LRP1B: variants seen among roughly 807,000 people sequenced by gnomAD.
LRP1B encodes the protein low-density lipoprotein receptor-related protein 1B.
LRP1B carries 217 observed loss-of-function variants against 556.6 expected under a neutral mutation model. That is an observed-to-expected ratio of 0.39 (90% CI 0.35 to 0.44). The LOEUF (loss-of-function observed/expected upper bound fraction) is 0.44. Ranked by LOEUF, LRP1B falls within the 20% of genes least tolerant of loss-of-function variation. LRP1B has a pLI of 1.00. For missense variants in LRP1B, 5,053 were observed against 5,620.8 expected (o/e 0.90, Z 3.23); for synonymous variants, 2,047 against 1,865.8 (o/e 1.10, Z -2.50).
chr2:140,759,178 T>A (rs1473614315), intron 35 of LRP1B, among the ~76,000 whole-genome samples: 10 of 152,168 alleles, frequency 6.6e-5, no homozygotes, highest in South Asian at 2.1e-4. Flanking sequence ...TAGATTTTTT[T>A]TTAAAAAATA....
chr2:141,217,183 C>T (rs1452090292), intron 6 of LRP1B, among the ~76,000 whole-genome samples: 1 of 152,074 alleles, frequency 6.6e-6, no homozygotes, highest in African/African-American at 2.4e-5. Context: ...GGGGGTAGAT[C>T]TCTCAAGGCT....
At chr2:141,105,988 G>C (rs897104588) in intron 7 of LRP1B, among the ~76,000 whole-genome samples, 1 of 152,032 alleles carries the variant, frequency 6.6e-6, no homozygotes, top group Non-Finnish European at 1.5e-5. Flanking sequence ...TCCACAGGGG[G>C]CCAAACTCTG....
intron 81 of LRP1B, among the ~76,000 whole-genome samples, chr2:140,323,526 C>T (rs922351569): frequency 7.9e-5 from 12 of 151,964 alleles, no homozygotes; most frequent in African/African-American, 2.7e-4. Context: ...CTGGGTGCAG[C>T]ACACCAACAT....
intron 2 of LRP1B, among the ~76,000 whole-genome samples, chr2:141,738,750 T>C (rs763331988): frequency 6.6e-6 from 1 of 152,160 alleles, no homozygotes; most frequent in Non-Finnish European, 1.5e-5. Context: ...CGTATAAAAC[T>C]GCTAAATGGC....
At chr2:140,765,774 A>G (rs1414156871) in intron 35 of LRP1B, among the ~76,000 whole-genome samples, 1 of 152,178 alleles carries the variant, frequency 6.6e-6, no homozygotes, top group Non-Finnish European at 1.5e-5. Context: ...ACAGGTTTTG[A>G]GAATACATTC....
At position 140,503,093 on chromosome 2, in the gene LRP1B, C is replaced by T. The variant is rs2104896573; in HGVS notation, c.8532G>A (p.Gln2844=). The stretch of plus-strand genomic sequence containing the variant: ...CACAACTAAATTCTTCTGTACCACA[C>T]TGTCGATATCCTAGAGACGCAGAAA... The part of the protein sequence containing the change: ...SDESPQCGYR[Q]CGTEEFSCAD... The change falls in exon 54 of 91, where the codon CAG becomes CAA. Residue 2844 remains glutamine (Q), a synonymous_variant. Transcript: ENST00000389484. 1 of 1,613,008 alleles carries T rather than the reference C, an allele frequency of 6.2e-7. No individual in the cohort carries two copies. The highest frequency in any genetic ancestry group is 8.5e-7 in the Non-Finnish European group (1 of 1,179,232).
chr2:140,359,637 T>C (rs1328973800), intron 72 of LRP1B, among the ~76,000 whole-genome samples: 1 of 151,658 alleles, frequency 6.6e-6, no homozygotes, highest in Non-Finnish European at 1.5e-5. Flanking sequence ...CCCAGGATTC[T>C]GTCCTTGTTC....
intron 57 of LRP1B, among the ~76,000 whole-genome samples, chr2:140,488,428 G>A (rs1433581396): frequency 2.6e-5 from 4 of 151,918 alleles, no homozygotes; most frequent in Non-Finnish European, 5.9e-5. Context: ...TCAGACTCAT[G>A]GTTATGCATT....
At chr2:140,748,290 G>GCA (rs1688399206) in intron 35 of LRP1B, among the ~76,000 whole-genome samples, 1 of 118,544 alleles carries the variant, frequency 8.4e-6, no homozygotes, top group Non-Finnish European at 1.7e-5. Flanking sequence ...GTTCATATAT[G>GCA]TATATATATT....
chr2:140,443,616 C>T (rs1043025533), intron 65 of LRP1B, among the ~76,000 whole-genome samples: 4 of 152,198 alleles, frequency 2.6e-5, no homozygotes, highest in Non-Finnish European at 5.9e-5. Context: ...TGAAACTTGA[C>T]AGGTGCTCCA....
chr2:141,849,022 T>C (rs1287715450), intron 1 of LRP1B, among the ~76,000 whole-genome samples: 1 of 151,584 alleles, frequency 6.6e-6, no homozygotes, highest in Non-Finnish European at 1.5e-5. Context: ...AGAAATAATT[T>C]GGTTTTCCTT....
chr2:140,353,015 C>G lies in LRP1B; in HGVS notation c.11588G>C (p.Gly3863Ala), dbSNP rs2105122063. The G allele has an allele frequency of 6.2e-7, 1 of 1,612,818 alleles. No homozygotes were observed. The change falls in exon 76 of 91, where the codon GGA (glycine) becomes GCA (alanine). Residue 3863 changes from glycine to alanine, a missense_variant. Around this residue, in one of 5 missense-constraint regions of LRP1B, gnomAD observed 599 missense variants for 648.4 expected, o/e 0.92. Transcript: ENST00000389484. Reference protein sequence around the residue: ...TCSHQCINVEGSYKCVCDQNF... With the variant: ...TCSHQCINVEASYKCVCDQNF... ...CTGGTCACACACACATTTATATGAT[C>G]CTTCCACATTTATACATTGATGGGA...
chr2:141,133,166 GC>G (rs1701402211), intron 7 of LRP1B, among the ~76,000 whole-genome samples: 1 of 151,916 alleles, frequency 6.6e-6, no homozygotes, highest in African/African-American at 2.4e-5. Flanking sequence ...AGGAAAAAAT[GC>G]AAAAAGCTCG....
intron 25 of LRP1B, among the ~76,000 whole-genome samples, chr2:140,882,887 A>G (rs1399543252): frequency 6.6e-6 from 1 of 152,184 alleles, no homozygotes; most frequent in African/African-American, 2.4e-5. Context: ...TATTACCTAA[A>G]GGTACAAACC....
chr2:141,997,171 T>G (rs960824325), intron 1 of LRP1B, among the ~76,000 whole-genome samples: 1 of 135,370 alleles, frequency 7.4e-6, no homozygotes, highest in African/African-American at 2.8e-5. Flanking sequence ...CACCTGACAC[T>G]AGTTCAGTAG....
chr2:141,624,036 CA>C, intron 2 of LRP1B, among the ~76,000 whole-genome samples: 11 of 90,742 alleles, frequency 1.2e-4, no homozygotes, highest in South Asian at 3.7e-4. Flanking sequence ...AAAAATTAAA[CA>C]AAAAAAAAAA....
rs192491474 is a variant in LRP1B, at chr2:141,608,885, G to A, written c.206-128352C>T. On this transcript the variant is annotated intron_variant, in intron 2 of 90. Coordinates refer to ENST00000389484, the MANE Select transcript of LRP1B (RefSeq NM_018557.3). The stretch of plus-strand genomic sequence containing the variant: ...GAAGGTGGATGGGTTCAAAATAAAC[G>A]TTGGCTGATAATTTTATTTTACCAA... Among the ~76,000 whole-genome samples the A allele has an allele frequency of 1.4e-3, 219 of 152,134 alleles. 2 individuals carry two copies. Among genetic ancestry groups the A allele is most frequent in the African/African-American group, 4.6e-3 (193 of 41,508 alleles).
At chr2:141,105,161 ACAAT>A (rs1428908117) in intron 7 of LRP1B, among the ~76,000 whole-genome samples, 1 of 152,124 alleles carries the variant, frequency 6.6e-6, no homozygotes, top group Non-Finnish European at 1.5e-5. Context: ...TGGGATGAAG[ACAAT>A]CAGTTTTTGT....
intron 1 of LRP1B, among the ~76,000 whole-genome samples, chr2:142,128,145 T>C (rs1385612463): frequency 1.3e-5 from 2 of 152,142 alleles, no homozygotes; most frequent in African/African-American, 4.8e-5. Context: ...GGTTTGAACA[T>C]AAACATACGA....
Sources: allele counts gnomAD v4.1 joint callset (sites outside exome capture counted in the v4.1 genomes callset), GRCh38; gene constraint gnomAD v4.1.1; regional missense constraint gnomAD v4.1.1; transcripts MANE v1.5; gene names NCBI Gene and HGNC (gene_info 2026-07-23, HGNC 2026-07-21).